Variants in RHEBL1 observed in about 807,000 individuals in gnomAD.
RHEBL1 encodes RHEB like 1.
Under a neutral mutation model 27.4 loss-of-function variants are expected in RHEBL1, and 22 were observed. The ratio of observed to expected loss-of-function variants is 0.80; its 90% confidence interval spans 0.57 to 1.15. The LOEUF is 1.15. Among genes scored for constraint, RHEBL1 ranks in the 50% most tolerant of loss-of-function variants. The pLI is 0.00. For synonymous variants in RHEBL1, 85 were observed against 80.8 expected (o/e 1.05, Z -0.28); for missense variants, 186 against 226.5 (o/e 0.82, Z 1.15).
intron 6 of RHEBL1, 113 bp from the exon 7 acceptor site, chr12:49,065,544 C>A: frequency 1.2e-6 from 1 of 857,708 alleles, no homozygotes. Context: ...GCCTGTAATG[C>A]AGCACTTTGG....
At chr12:49,068,634 C>T (rs1939036986) in intron 2 of RHEBL1, among the ~76,000 whole-genome samples, 1 of 151,936 alleles carries the variant, frequency 6.6e-6, no homozygotes, top group African/African-American at 2.4e-5. Context: ...TGAGGTTTCA[C>T]CATGTTGGCC....
chr12:49,064,987 C>A lies in RHEBL1; in HGVS notation c.*116G>T. Reference sequence around the variant, plus strand: ...ACATGAGGATGCCACACTGTGTGTCCAGGGGCCAGGAACACAGCTGGCAAC... The same window carrying A: ...ACATGAGGATGCCACACTGTGTGTCAAGGGGCCAGGAACACAGCTGGCAAC... On this transcript the variant is annotated 3_prime_UTR_variant, in exon 8 of 8. Transcript: ENST00000301068. 2 of 745,032 alleles carry A rather than the reference C, an allele frequency of 2.7e-6. No individual in the cohort carries two copies. Among genetic ancestry groups the A allele is most frequent in the Non-Finnish European group, 4.7e-6 (2 of 421,378 alleles). 46.2% of individuals were successfully genotyped at this position (745,032 alleles called of 1,614,324 possible). A position where few individuals can be genotyped will look rare whatever the true frequency, so the allele number is the denominator to read the frequency against.
chr12:49,069,642 A>C, intron 1 of RHEBL1, 92 bp downstream of exon 1: 1 of 1,119,668 alleles, frequency 8.9e-7, no homozygotes, highest in Non-Finnish European at 1.4e-6. Flanking sequence ...TTACGATGTC[A>C]TCATTCCTCC....
In RHEBL1 at chr12:49,065,125, T is replaced by C; in HGVS notation, c.530A>G (p.Glu177Gly). ...IARVENSYGQ[E>G]RRCHLM Reference sequence around the variant, plus strand: ...GGCTCACATGAGATGGCAGCGACGCTCTTGCCCATAGGAATTCTCCACACG... The same window carrying C: ...GGCTCACATGAGATGGCAGCGACGCCCTTGCCCATAGGAATTCTCCACACG... The change falls in exon 8 of 8, where the codon GAG (glutamate) becomes GGG (glycine). Residue 177 changes from glutamate to glycine, a missense_variant. Transcript: ENST00000301068. The C allele has an allele frequency of 6.2e-6, 10 of 1,613,846 alleles. No homozygotes were observed. Among genetic ancestry groups the C allele is most frequent in the Non-Finnish European group, 8.5e-6 (10 of 1,179,712 alleles).
At chr12:49,068,888 C>T in intron 2 of RHEBL1, 147 bp downstream of exon 2, 2 of 817,452 alleles carry the variant, frequency 2.4e-6, no homozygotes, top group Non-Finnish European at 3.8e-6. Flanking sequence ...AGCCATCCAT[C>T]GAACAGGATT....
At chr12:49,068,839 A>G (rs1490973303) in intron 2 of RHEBL1, among the ~76,000 whole-genome samples, 196 bp downstream of exon 2, 1 of 152,156 alleles carries the variant, frequency 6.6e-6, no homozygotes, top group African/African-American at 2.4e-5. Flanking sequence ...TCTACATCTA[A>G]ACTATCCCAG....
Position 49,066,227 on chromosome 12 carries a change from A to G in RHEBL1, c.380+4T>C, listed in dbSNP as rs1205403709. 4 of 1,611,934 alleles carry G rather than the reference A, an allele frequency of 2.5e-6. No individual in the cohort carries two copies. The highest frequency in any genetic ancestry group is 2.2e-5 in the East Asian group (1 of 44,896). Reference sequence around the variant, plus strand: ...TTTGCTCTGAGTAGCAGAGATTTACATACCTCTCTGGAGAGAGATCTGCCT... The same window carrying G: ...TTTGCTCTGAGTAGCAGAGATTTACGTACCTCTCTGGAGAGAGATCTGCCT... On this transcript the variant is annotated splice_donor_region_variant and intron_variant, in intron 6 of 7. Transcript: ENST00000301068.
chr12:49,068,931 A>G (rs1939041729), intron 2 of RHEBL1, 104 bp downstream of exon 2: 1 of 1,209,256 alleles, frequency 8.3e-7, no homozygotes, highest in Non-Finnish European at 1.2e-6. Context: ...ATGTCTAAAT[A>G]AATCAGCCCC....
chr12:49,065,423 T>C lies in RHEBL1; in HGVS notation c.389A>G (p.Gln130Arg). Residue 130 changes from glutamine (Q) to arginine (R), a missense_variant, in exon 7 of 8, where the codon CAG becomes CGG. By Grantham distance (43) the Gln-to-Arg change is conservative. Transcript: ENST00000301068. ...KADLSPEREV[Q>R]AVEGKKLAES... is the part of the protein sequence containing the mutation. ...TGCCAGCTTCTTTCCTTCAACTGCC[T>C]GTACCTCTCTGGAAGCAAATTTGGG... 1 of 1,614,108 alleles carries C rather than the reference T, an allele frequency of 6.2e-7. No homozygotes were observed. Among genetic ancestry groups the C allele is most frequent in the South Asian group, 1.1e-5 (1 of 91,092 alleles).
At chr12:49,067,128 A>AGTGAGACTCTT in intron 2 of RHEBL1, 93 bp from the exon 3 acceptor site, 5 of 778,698 alleles carry the variant, frequency 6.4e-6, no homozygotes, top group Non-Finnish European at 1.0e-5. Flanking sequence ...TTGAGACAAG[A>AGTGAGACTCTT]GTCTCACTCT....
At chr12:49,067,830 A>G (rs997986297) in intron 2 of RHEBL1, among the ~76,000 whole-genome samples, 8 of 152,168 alleles carry the variant, frequency 5.3e-5, no homozygotes, top group African/African-American at 1.4e-4. Flanking sequence ...TGAATAATAG[A>G]TGTACCAAGT....
At chr12:49,067,967 T>G (rs1346248107) in intron 2 of RHEBL1, among the ~76,000 whole-genome samples, 1 of 152,166 alleles carries the variant, frequency 6.6e-6, no homozygotes, top group Non-Finnish European at 1.5e-5. Context: ...ATTCTTCTCT[T>G]CTAGCTATTT....
chr12:49,068,877 T>C (rs1398103812), intron 2 of RHEBL1, among the ~76,000 whole-genome samples, 158 bp downstream of exon 2: 1 of 152,206 alleles, frequency 6.6e-6, no homozygotes, highest in African/African-American at 2.4e-5. Flanking sequence ...ATCCATACTC[T>C]AGCCATCCAT....
At chr12:49,068,122 C>CT (rs56250975) in intron 2 of RHEBL1, among the ~76,000 whole-genome samples, 51,062 of 144,844 alleles carry the variant, frequency 0.35, 9,318 homozygotes, top group South Asian at 0.52. Flanking sequence ...TCTTTTTATT[C>CT]TTTTTTTTTT....
At position 49,069,721 on chromosome 12, in the gene RHEBL1, G is replaced by A; in HGVS notation, c.52+13C>T. On this transcript the variant is annotated intron_variant, in intron 1 of 7. Transcript: ENST00000301068. ...GCTGCTGCGCGTCCGAGCTCTGCAGGGCGGAGACTCACCTACACAGCGGTA... is the reference window on the plus strand; with the variant it reads ...GCTGCTGCGCGTCCGAGCTCTGCAGAGCGGAGACTCACCTACACAGCGGTA... 6.2e-7 allele frequency: 1 copy of A among 1,613,284 alleles called. No individual in the cohort carries two copies. The highest frequency in any genetic ancestry group is 8.5e-7 in the Non-Finnish European group (1 of 1,179,488).
chr12:49,066,553 G>T (rs1370159935), intron 4 of RHEBL1, 21 bp from the exon 5 acceptor site: 2 of 1,614,060 alleles, frequency 1.2e-6, no homozygotes. Flanking sequence ...AAGAATTGGA[G>T]CTATAACTTT....
chr12:49,066,896 G>T, intron 3 of RHEBL1, 72 bp downstream of exon 3: 1 of 1,293,030 alleles, frequency 7.7e-7, no homozygotes, highest in Non-Finnish European at 1.1e-6. Flanking sequence ...TTACGGATGA[G>T]CCACAAAGAC....
chr12:49,066,940 C>T, intron 3 of RHEBL1, 28 bp downstream of exon 3: 1 of 1,585,040 alleles, frequency 6.3e-7, no homozygotes. Context: ...TGAACTGCCA[C>T]ATTTGGATAC....
At chr12:49,065,562 A>G in intron 6 of RHEBL1, 131 bp from the exon 7 acceptor site, 1 of 714,682 alleles carries the variant, frequency 1.4e-6, no homozygotes, top group Non-Finnish European at 2.5e-6. Flanking sequence ...TGGGAGGCCG[A>G]GGTGGTGGAT....
Sources: allele counts gnomAD v4.1 joint callset (sites outside exome capture counted in the v4.1 genomes callset), GRCh38; gene constraint gnomAD v4.1.1; transcripts MANE v1.5; gene names NCBI Gene and HGNC (gene_info 2026-07-23, HGNC 2026-07-21).